MTHFD1L: variants seen among roughly 807,000 people sequenced by gnomAD.
MTHFD1L encodes the protein methylenetetrahydrofolate dehydrogenase (NADP+ dependent) 1 like, also known as monofunctional C1-tetrahydrofolate synthase, mitochondrial.
In MTHFD1L, 81 loss-of-function variants were observed where a neutral mutation model predicts 119.5. The ratio of observed to expected loss-of-function variants is 0.68; its 90% CI spans 0.57 to 0.82. MTHFD1L has a LOEUF of 0.82. Ranked by LOEUF, MTHFD1L falls within the 40% of genes least tolerant of loss-of-function variation. The probability of loss-of-function intolerance (pLI) is 0.00; values close to 1 mark genes in which losing one functional copy is unlikely to be tolerated. For missense variants in MTHFD1L, 1,125 were observed against 1,253.4 expected (o/e 0.90, Z 1.55); for synonymous variants, 430 against 475.2 (o/e 0.90, Z 1.24).
intron 7 of MTHFD1L, among the ~76,000 whole-genome samples, chr6:150,889,346 G>C (rs534934398): frequency 6.6e-6 from 1 of 152,172 alleles, no homozygotes; most frequent in East Asian, 1.9e-4. Context: ...AAAAATATAG[G>C]CGTATGCATT....
chr6:150,923,728 C>T (rs932242168), intron 10 of MTHFD1L, among the ~76,000 whole-genome samples: 1 of 151,448 alleles, frequency 6.6e-6, no homozygotes, highest in African/African-American at 2.4e-5. Context: ...TTTCCTTGGA[C>T]AGTCAGATGA....
intron 7 of MTHFD1L, among the ~76,000 whole-genome samples, chr6:150,902,498 G>T (rs1480901467): frequency 2.0e-5 from 3 of 152,202 alleles, no homozygotes; most frequent in East Asian, 1.9e-4. Flanking sequence ...CAAGTGAGAT[G>T]ATAATTTTCC....
rs972784444 is a variant in MTHFD1L, at chr6:151,101,506, T to G, written c.*32-20T>G. ...CTATTCTTAAACTACTCAAACATGG[T>G]TTTTTTTTCTATTTTTCAGACTCCT... is the stretch of plus-strand genomic sequence containing the variant. On this transcript the variant is annotated intron_variant, in intron 27 of 27. Transcript: ENST00000367321. The G allele has an allele frequency of 2.7e-5, 4 of 149,534 alleles. No homozygotes were observed. The highest frequency in any genetic ancestry group is 1.0e-4 in the African/African-American group (4 of 38,898). The allele number at this position is 149,534 out of a possible 1,614,324, so 9.3% of individuals were successfully genotyped here.
In MTHFD1L at chr6:150,943,017, T is replaced by A. The variant is rs6557104; in HGVS notation, c.1441-1469T>A. ...GATCTCAAAGGCCGGATGTGGTGGC[T>A]CATGCCTGTAATCCCAGCACTTTGG... On this transcript the variant is annotated intron_variant, in intron 13 of 27. Coordinates refer to ENST00000367321, the MANE Select transcript of MTHFD1L (RefSeq NM_015440.5). Among the ~76,000 whole-genome samples the A allele has an allele frequency of 5.1e-3, 780 of 152,276 alleles. 9 individuals carry two copies. Among genetic ancestry groups the A allele is most frequent in the African/African-American group, 0.018 (745 of 41,562 alleles).
rs75202617 is a variant in MTHFD1L at position 151,067,710 on chromosome 6, G to A, written c.2848-24757G>A. Among the ~76,000 whole-genome samples the A allele has an allele frequency of 5.9e-5, 9 of 152,340 alleles. No individual in the cohort carries two copies. The East Asian group carries it at 1.7e-3, about 29-fold the overall frequency. Reference sequence around the variant, plus strand: ...TTGTGTGTTAAACATAAATGTAGATGGGTAACCATGTATACAAATGCATAT... The same window carrying A: ...TTGTGTGTTAAACATAAATGTAGATAGGTAACCATGTATACAAATGCATAT... On this transcript the variant is annotated intron_variant, in intron 26 of 27. Coordinates refer to ENST00000367321, the MANE Select transcript of MTHFD1L (RefSeq NM_015440.5).
chr6:150,966,245 G>A (rs1797197236), intron 19 of MTHFD1L, among the ~76,000 whole-genome samples: 1 of 152,078 alleles, frequency 6.6e-6, no homozygotes, highest in Non-Finnish European at 1.5e-5. Context: ...AGCATGGCTG[G>A]GGAGGCCTCA....
chr6:151,052,407 G>A (rs771394707), intron 26 of MTHFD1L, among the ~76,000 whole-genome samples: 11 of 152,338 alleles, frequency 7.2e-5, no homozygotes, highest in Non-Finnish European at 7.3e-5. Context: ...AGTGTTGGCA[G>A]GAGGCAGACA....
At position 151,080,549 on chromosome 6, in the gene MTHFD1L, C is replaced by T. The variant is rs181939323; in HGVS notation, c.2848-11918C>T. On this transcript the variant is annotated intron_variant, in intron 26 of 27. Coordinates refer to ENST00000367321, the MANE Select transcript of MTHFD1L (RefSeq NM_015440.5). ...GCAAGTAGCATAGTTAGGAGTCTTTCGGTCCAGGAATTGAAGGTGCTAAAG... is the reference window on the plus strand; with the variant it reads ...GCAAGTAGCATAGTTAGGAGTCTTTTGGTCCAGGAATTGAAGGTGCTAAAG... Among the ~76,000 whole-genome samples, 270 of 152,238 alleles carry T rather than the reference C, an allele frequency of 1.8e-3. 1 individual carries two copies. The highest frequency in any genetic ancestry group is 5.3e-3 in the African/African-American group (222 of 41,526).
intron 16 of MTHFD1L, 72 bp from the exon 17 acceptor site, chr6:150,955,923 G>C (rs56262532): frequency 1.6e-5 from 22 of 1,354,462 alleles, no homozygotes; most frequent in Non-Finnish European, 2.3e-5. Context: ...CTGAGCATCA[G>C]AACAATGCCA....
chr6:150,932,800 G>T (rs1273745008), intron 11 of MTHFD1L, among the ~76,000 whole-genome samples: 3 of 97,164 alleles, frequency 3.1e-5, no homozygotes, highest in African/African-American at 5.6e-5. Context: ...GGAAGAAAGG[G>T]AGGAAGAGAG....
intron 26 of MTHFD1L, among the ~76,000 whole-genome samples, chr6:151,044,344 T>G (rs1160114002): frequency 6.6e-6 from 1 of 150,614 alleles, no homozygotes; most frequent in African/African-American, 2.4e-5. Context: ...CTCTGTCACC[T>G]GGGCTGGAGT....
chr6:151,023,585 A>G (rs1784251208), intron 24 of MTHFD1L, among the ~76,000 whole-genome samples: 1 of 152,160 alleles, frequency 6.6e-6, no homozygotes, highest in Non-Finnish European at 1.5e-5. Context: ...CATCCCTGTG[A>G]TTCTGGCAAA....
chr6:150,948,934 C>A, intron 15 of MTHFD1L, 97 bp from the exon 16 acceptor site: 1 of 1,049,020 alleles, frequency 9.5e-7, no homozygotes, highest in Non-Finnish European at 1.4e-6. Flanking sequence ...AAGGCTTTAC[C>A]AATCATGGAG....
At chr6:150,922,967 G>A (rs1185544129) in intron 10 of MTHFD1L, among the ~76,000 whole-genome samples, 6 of 152,012 alleles carry the variant, frequency 3.9e-5, no homozygotes, top group Admixed American at 3.3e-4. Flanking sequence ...TCTTCTTAGT[G>A]GTCCATGAAG....
chr6:150,878,583 G>A (rs1038203866), intron 4 of MTHFD1L, among the ~76,000 whole-genome samples: 5 of 152,200 alleles, frequency 3.3e-5, no homozygotes, highest in Admixed American at 6.5e-5. Flanking sequence ...CATGAATAAA[G>A]TTTGGAAGTA....
At chr6:151,047,992 G>A (rs1347591191) in intron 26 of MTHFD1L, among the ~76,000 whole-genome samples, 3 of 152,144 alleles carry the variant, frequency 2.0e-5, no homozygotes, top group Non-Finnish European at 4.4e-5. Flanking sequence ...AAGAGAGAGA[G>A]TGAAGGGGCA....
chr6:150,919,411 G>A (rs1788531930), intron 9 of MTHFD1L, among the ~76,000 whole-genome samples: 1 of 151,988 alleles, frequency 6.6e-6, no homozygotes, highest in Non-Finnish European at 1.5e-5. Context: ...TTTTAGTAGA[G>A]ACAGGGTTTC....
intron 26 of MTHFD1L, among the ~76,000 whole-genome samples, chr6:151,048,172 C>T (rs1386771406): frequency 1.3e-5 from 2 of 152,174 alleles, no homozygotes; most frequent in East Asian, 3.9e-4. Context: ...CAAACCATAG[C>T]ACATGCCTTT....
At chr6:151,020,869 C>A (rs918608484) in intron 24 of MTHFD1L, among the ~76,000 whole-genome samples, 1 of 152,140 alleles carries the variant, frequency 6.6e-6, no homozygotes, top group Non-Finnish European at 1.5e-5. Flanking sequence ...CTGAAAGAAA[C>A]GCTAATCTAC....
Sources: gnomAD v4.1 joint callset for allele counts (sites outside exome capture counted in the v4.1 genomes callset) on GRCh38, gnomAD v4.1.1 for gene constraint, MANE v1.5 for transcripts, NCBI Gene and HGNC (gene_info 2026-07-23, HGNC 2026-07-21) for gene names.